LRRC4B: variants seen among roughly 807,000 people sequenced by gnomAD.
The protein encoded by LRRC4B is leucine rich repeat containing 4B.
LRRC4B carries 1 observed loss-of-function variant against 7.3 expected under a neutral mutation model. The observed-to-expected ratio is 0.14, with a 90% CI of 0.05 to 0.65. LRRC4B has a LOEUF of 0.65. LRRC4B is among the 30% of genes least tolerant of loss of function. The pLI is 0.84. For missense variants in LRRC4B, 730 were observed against 1,041.6 expected, an observed-to-expected ratio of 0.70 and a Z score of 4.12; for synonymous variants, 500 against 499.2, an observed-to-expected ratio of 1.00 and a Z score of -0.02.
chr19:50,548,702 G>C lies in LRRC4B; in HGVS notation c.137C>G (p.Ala46Gly). The change falls in exon 2 of 3, where the codon GCC becomes GGC. Residue 46 changes from alanine to glycine, a missense_variant. Physicochemically the swap from Ala to Gly is moderately conservative, Grantham distance 60. Around this residue, in one of 6 missense-constraint regions of LRRC4B, gnomAD observed 143 missense variants for 158.4 expected, o/e 0.90. Transcript: ENST00000652263. This position sits in a 1 kb window ranked among gnomAD's most constrained non-coding sequence, Gnocchi z 6.8. The part of the protein sequence containing the change: ...AGGGGVAVTS[A>G]AGGGSPPATS... ...GGCCGGCGGGGAGCCCCCTCCGGCG[G>C]CAGACGTCACGGCCACTCCACCTCC... 1 of 1,545,216 alleles carries C rather than the reference G, an allele frequency of 6.5e-7. No individual in the cohort carries two copies. Among genetic ancestry groups the C allele is most frequent in the Admixed American group, 2.0e-5 (1 of 51,206 alleles).
At chr19:50,566,186 C>T (rs1051674717) in intron 1 of LRRC4B, among the ~76,000 whole-genome samples, 5 of 123,316 alleles carry the variant, frequency 4.1e-5, no homozygotes, top group Non-Finnish European at 7.9e-5. Context: ...GTCCTGGCCG[C>T]GGTCCGGGGG....
At chr19:50,561,756 C>A (rs1046466404) in intron 1 of LRRC4B, among the ~76,000 whole-genome samples, 1 of 151,678 alleles carries the variant, frequency 6.6e-6, no homozygotes, top group Non-Finnish European at 1.5e-5. Context: ...AAAAGTCTAA[C>A]CTTCTATGAG....
chr19:50,560,252 A>C (rs1197547298), intron 1 of LRRC4B, among the ~76,000 whole-genome samples: 1 of 152,106 alleles, frequency 6.6e-6, no homozygotes, highest in African/African-American at 2.4e-5. Context: ...AAGGGTCTCT[A>C]AGTGCCCATC....
chr19:50,560,201 TTC>T, intron 1 of LRRC4B, among the ~76,000 whole-genome samples: 1 of 152,102 alleles, frequency 6.6e-6, no homozygotes, highest in Non-Finnish European at 1.5e-5. Context: ...GAGGCTGTCA[TTC>T]TGTTTCCCAG....
rs559446765 is a variant in LRRC4B, at chr19:50,548,503, C to G, written c.297+39G>C. The G allele has an allele frequency of 6.4e-7, 1 of 1,560,202 alleles. No homozygotes were observed. Among genetic ancestry groups the G allele is most frequent in the African/African-American group, 1.3e-5 (1 of 74,244 alleles). On this transcript the variant is annotated intron_variant, in intron 2 of 2. Transcript: ENST00000652263. This position sits in a 1 kb window ranked among gnomAD's most constrained non-coding sequence, Gnocchi z 6.8. ...CTACATCTGCATGCCTCCCCAGTGT[C>G]CCCTCCAAGGTCCCCCTCTGCCCGC...
At chr19:50,561,685 T>C (rs1982467833) in intron 1 of LRRC4B, among the ~76,000 whole-genome samples, 1 of 151,952 alleles carries the variant, frequency 6.6e-6, no homozygotes, top group African/African-American at 2.4e-5. Context: ...CAGTGAGCTG[T>C]GGTTGTGCCC....
chr19:50,556,951 CG>C lies in LRRC4B; in HGVS notation c.-35-8079del, dbSNP rs1178597479. ...AGAGGCCGTGGCAATGGGCCGGGGG[CG>C]GGGGGGCCCTCCTTCCTCTCACAAC... On this transcript the variant is annotated intron_variant, in intron 1 of 2. Coordinates refer to ENST00000652263, the MANE Select transcript of LRRC4B (RefSeq NM_001080457.2). This position sits in a 1 kb window ranked among gnomAD's most constrained non-coding sequence, Gnocchi z 4.2. Among the ~76,000 whole-genome samples, 1 of 144,692 alleles carries C rather than the reference CG, an allele frequency of 6.9e-6. No individual in the cohort carries two copies. The highest frequency in any genetic ancestry group is 1.5e-5 in the Non-Finnish European group (1 of 65,400). 94.9% of individuals were successfully genotyped at this position (144,692 alleles called of 152,430 possible).
In LRRC4B at chr19:50,518,109, G is replaced by C. The variant is rs777565536; in HGVS notation, c.1604C>G (p.Ser535Trp). The C allele has an allele frequency of 1.3e-6, 2 of 1,595,098 alleles. No homozygotes were observed. Among genetic ancestry groups the C allele is most frequent in the South Asian group, 1.1e-5 (1 of 89,614 alleles). ...CGGGGCGGGTGCCGTGGTAGAAGACGAGGCAGGGCCGGCCGCGTCCCCAGG... is the reference window on the plus strand; with the variant it reads ...CGGGGCGGGTGCCGTGGTAGAAGACCAGGCAGGGCCGGCCGCGTCCCCAGG... ...GRPGDAAGPA[S>W]SSTTAPAPRS... Residue 535 changes from serine (S) to tryptophan (W), a missense_variant, in exon 3 of 3, where the codon TCG (serine) becomes TGG (tryptophan). Physicochemically the swap from Ser to Trp is radical, Grantham distance 177. Transcript: ENST00000652263.
At chr19:50,560,627 T>C (rs779800443) in intron 1 of LRRC4B, among the ~76,000 whole-genome samples, 103 of 151,832 alleles carry the variant, frequency 6.8e-4, no homozygotes, top group Non-Finnish European at 1.2e-3. Context: ...GTGTTGGTGT[T>C]GAGGAAAACT....
intron 2 of LRRC4B, among the ~76,000 whole-genome samples, chr19:50,536,258 C>T (rs936609013): frequency 4.6e-5 from 7 of 152,148 alleles, no homozygotes; most frequent in South Asian, 4.2e-4. Context: ...CTCACCCTCC[C>T]GAGTATCTGG....
chr19:50,553,844 C>G lies in LRRC4B; in HGVS notation c.-35-4971G>C, dbSNP rs971766225. Among the ~76,000 whole-genome samples, 1 of 151,966 alleles carries G rather than the reference C, an allele frequency of 6.6e-6. No individual in the cohort carries two copies. The highest frequency in any genetic ancestry group is 1.5e-5 in the Non-Finnish European group (1 of 68,006). On this transcript the variant is annotated intron_variant, in intron 1 of 2. Transcript: ENST00000652263. This position sits in a 1 kb window ranked among gnomAD's most constrained non-coding sequence, Gnocchi z 4.2. ...ATCACTGTGAGTCTATTTCCCCCCA[C>G]GCTCACACACAGATACCCCCACTCT...
chr19:50,527,178 A>G (rs1039499160), intron 2 of LRRC4B, among the ~76,000 whole-genome samples: 1 of 151,106 alleles, frequency 6.6e-6, no homozygotes, highest in Non-Finnish European at 1.5e-5. Flanking sequence ...GACTACAGGC[A>G]CCCGCCACCA....
chr19:50,566,678 G>A (rs1227309354), intron 1 of LRRC4B, among the ~76,000 whole-genome samples: 1 of 151,780 alleles, frequency 6.6e-6, no homozygotes, highest in East Asian at 2.0e-4. Context: ...GGAGGCAGGG[G>A]CATAGAGATG....
In LRRC4B at chr19:50,517,678, TG is replaced by T; in HGVS notation, c.2034del (p.Ser679AlafsTer187). ...CCTTTGCCCCCGCAGCCCCCGCCGC[TG>T]GGGTTGCTGCTGTAGTGCGCCTTGA... ...AAFKAHYSSN[P>X]SGGGCGGKGP... On this transcript the variant is annotated frameshift_variant, in exon 3 of 3. Coordinates refer to ENST00000652263, the MANE Select transcript of LRRC4B (RefSeq NM_001080457.2). LOFTEE classifies it low-confidence loss of function (END_TRUNC). The surrounding 1 kb of genome is among the most constrained non-coding windows in gnomAD (Gnocchi z 6.6). 6.5e-7 allele frequency: 1 copy of T among 1,540,192 alleles called. No individual in the cohort carries two copies. Among genetic ancestry groups the T allele is most frequent in the South Asian group, 1.2e-5 (1 of 81,808 alleles).
chr19:50,549,975 C>T (rs568821477), intron 1 of LRRC4B, among the ~76,000 whole-genome samples: 5 of 152,274 alleles, frequency 3.3e-5, no homozygotes, highest in African/African-American at 1.2e-4. Flanking sequence ...CCAATCTGTC[C>T]TGCCCCGCCA....
In LRRC4B at chr19:50,568,040, T is replaced by TGCGGGGAGGC. The variant is rs1047661411; in HGVS notation, c.-142_-133dup. On this transcript the variant is annotated 5_prime_UTR_variant, in exon 1 of 3. Transcript: ENST00000652263. ...CAGGAATTTGGGGTGCAAGGCCCGC[T>TGCGGGGAGGC]GCGGGGAGGCGCGGGGGGCGGGGCT... 20 of 150,588 alleles carry TGCGGGGAGGC rather than the reference T, an allele frequency of 1.3e-4. No homozygotes were observed. Among genetic ancestry groups the TGCGGGGAGGC allele is most frequent in the African/African-American group, 4.9e-4 (20 of 41,032 alleles). 9.3% of individuals were successfully genotyped at this position (150,588 alleles called of 1,614,324 possible).
rs902774469 is a variant in LRRC4B at position 50,537,147 on chromosome 19, G to A, written c.297+11395C>T. ...AGGGTGCAGCGCCAGGGATAGCTAC[G>A]AATTAGGAAGCATTACGAATCGCGT... is the stretch of plus-strand genomic sequence containing the variant. On this transcript the variant is annotated intron_variant, in intron 2 of 2. Coordinates refer to ENST00000652263, the MANE Select transcript of LRRC4B (RefSeq NM_001080457.2). This position sits in a 1 kb window ranked among gnomAD's most constrained non-coding sequence, Gnocchi z 5.5. 6.6e-6 allele frequency among the ~76,000 whole-genome samples: 1 copy of A among 152,162 alleles called. No homozygotes were observed. Among genetic ancestry groups the A allele is most frequent in the East Asian group, 1.9e-4 (1 of 5,198 alleles).
chr19:50,518,439 T>C lies in LRRC4B; in HGVS notation c.1274A>G (p.Asn425Ser), dbSNP rs147466554. The C allele has an allele frequency of 5.8e-6, 9 of 1,550,898 alleles. No individual in the cohort carries two copies. The highest frequency in any genetic ancestry group is 1.2e-5 in the South Asian group (1 of 80,878). ...CTGGCCCGTGTCCTGCACGGTGACG[T>C]TGGTGAAGTTAAGCGTGCCGTCATG... ...VLHDGTLNFT[N>S]VTVQDTGQYT... Residue 425 changes from asparagine (N) to serine (S), a missense_variant, in exon 3 of 3, where the codon AAC becomes AGC. Transcript: ENST00000652263.
At position 50,518,801 on chromosome 19, in the gene LRRC4B, C is replaced by T. The variant is rs1980423685; in HGVS notation, c.912G>A (p.Glu304=). 1 of 1,614,040 alleles carries T rather than the reference C, an allele frequency of 6.2e-7. No homozygotes were observed. The highest frequency in any genetic ancestry group is 8.5e-7 in the Non-Finnish European group (1 of 1,179,974). ...HDLFTPLHRL[E]RVHLNHNPWH... Reference sequence around the variant, plus strand: ...AGGGGTTGTGGTTGAGGTGCACGCGCTCGAGGCGGTGCAGGGGCGTGAAGA... The same window carrying T: ...AGGGGTTGTGGTTGAGGTGCACGCGTTCGAGGCGGTGCAGGGGCGTGAAGA... Residue 304 remains glutamate (E), a synonymous_variant, in exon 3 of 3, where the codon GAG becomes GAA. Coordinates refer to ENST00000652263, the MANE Select transcript of LRRC4B (RefSeq NM_001080457.2).
Sources: allele counts gnomAD v4.1 joint callset (sites outside exome capture counted in the v4.1 genomes callset), GRCh38; gene constraint gnomAD v4.1.1; regional missense constraint gnomAD v4.1.1; non-coding constraint Gnocchi (gnomAD v3.1); transcripts MANE v1.5; gene names NCBI Gene and HGNC (gene_info 2026-07-23, HGNC 2026-07-21).